The following EPAS1 variants were observed in gnomAD, a reference collection of about 807,000 sequenced individuals.
EPAS1 encodes the protein endothelial PAS domain protein 1.
A neutral mutation model predicts 87.9 loss-of-function variants in EPAS1; 23 were observed. That is an observed-to-expected ratio of 0.26 (90% confidence interval 0.19 to 0.37). The LOEUF (loss-of-function observed/expected upper bound fraction) is 0.37, where lower values mean the gene tolerates loss of function less well. Among genes scored for constraint, EPAS1 ranks in the 10% least tolerant of loss-of-function variants. EPAS1 has a pLI of 1.00. For missense variants in EPAS1, 1,138 were observed against 1,120.7 expected, an observed-to-expected ratio of 1.02 and a Z score of -0.22; for synonymous variants, 508 against 444.3, an observed-to-expected ratio of 1.14 and a Z score of -1.80.
At chr2:46,318,568 C>G (rs1683390828) in intron 1 of EPAS1, among the ~76,000 whole-genome samples, 1 of 152,188 alleles carries the variant, frequency 6.6e-6, no homozygotes, top group Non-Finnish European at 1.5e-5. Flanking sequence ...TAAAACTGTG[C>G]TACCATTTTT....
chr2:46,384,248 CT>C (rs1360781150), intron 15 of EPAS1, among the ~76,000 whole-genome samples: 1 of 152,192 alleles, frequency 6.6e-6, no homozygotes, highest in African/African-American at 2.4e-5. Context: ...ACCCCAGGCT[CT>C]TCCTGAAGCT....
intron 1 of EPAS1, among the ~76,000 whole-genome samples, chr2:46,316,258 C>T (rs1366349184): frequency 1.4e-5 from 2 of 144,308 alleles, no homozygotes; most frequent in Non-Finnish European, 3.0e-5. Context: ...ATGTACATAC[C>T]CTTTTTTTTT....
At chr2:46,323,422 T>A (rs904806143) in intron 1 of EPAS1, among the ~76,000 whole-genome samples, 1 of 152,190 alleles carries the variant, frequency 6.6e-6, no homozygotes, top group African/African-American at 2.4e-5. Context: ...TAAACAAGAC[T>A]GAATTATGTT....
chr2:46,373,695 A>C (rs951143645), intron 7 of EPAS1, among the ~76,000 whole-genome samples: 1 of 152,206 alleles, frequency 6.6e-6, no homozygotes, highest in Non-Finnish European at 1.5e-5. Flanking sequence ...GAAAAGTGCT[A>C]TGCCTTCACT....
intron 1 of EPAS1, among the ~76,000 whole-genome samples, chr2:46,299,222 C>A (rs1390383499): frequency 6.6e-6 from 1 of 152,256 alleles, no homozygotes; most frequent in South Asian, 2.1e-4. Flanking sequence ...CCTCGGGGCA[C>A]CGATAAGGAT....
intron 4 of EPAS1, among the ~76,000 whole-genome samples, chr2:46,359,236 C>T (rs146480490): frequency 1.5e-4 from 16 of 105,506 alleles, no homozygotes; most frequent in Non-Finnish European, 2.2e-4. Context: ...TCCAGCCTGG[C>T]GACAGAGCAA....
chr2:46,297,625 C>G lies in EPAS1; in HGVS notation c.-287C>G. On this transcript the variant is annotated 5_prime_UTR_variant, in exon 1 of 16. Coordinates refer to ENST00000263734, the MANE Select transcript of EPAS1 (RefSeq NM_001430.5). ...TTCCAGGGAAAAAGGAACTTGGGTT[C>G]CCTTCTCTCCGTCCTCTTTTCGGGT... 1 of 480,562 alleles carries G rather than the reference C, an allele frequency of 2.1e-6. No homozygotes were observed. The highest frequency in any genetic ancestry group is 3.7e-6 in the Non-Finnish European group (1 of 266,724). 29.8% of individuals were successfully genotyped at this position (480,562 alleles called of 1,614,324 possible).
intron 8 of EPAS1, among the ~76,000 whole-genome samples, chr2:46,376,305 A>C (rs1355344828): frequency 2.0e-5 from 3 of 152,216 alleles, no homozygotes; most frequent in Non-Finnish European, 2.9e-5. Context: ...CTCAAGTGCA[A>C]TAATATTTAA....
intron 1 of EPAS1, among the ~76,000 whole-genome samples, chr2:46,319,947 C>T (rs969825766): frequency 9.2e-5 from 14 of 152,150 alleles, no homozygotes; most frequent in Non-Finnish European, 1.8e-4. Context: ...CAGGCATCTT[C>T]GAACAGAAAA....
At chr2:46,377,755 C>T (rs2103666686) in intron 9 of EPAS1, 139 bp from the exon 10 acceptor site, 2 of 1,416,382 alleles carry the variant, frequency 1.4e-6, no homozygotes, top group Non-Finnish European at 1.9e-6. Context: ...CAGCTGAGCC[C>T]CAGGGTGTTG....
At chr2:46,379,366 C>A in intron 11 of EPAS1, among the ~76,000 whole-genome samples, 1 of 152,172 alleles carries the variant, frequency 6.6e-6, no homozygotes, top group South Asian at 2.1e-4. Context: ...GTCTTGAGTT[C>A]AACCAGATTT....
intron 1 of EPAS1, among the ~76,000 whole-genome samples, chr2:46,329,659 T>TA (rs1446624091): frequency 6.6e-6 from 1 of 152,098 alleles, no homozygotes; most frequent in African/African-American, 2.4e-5. Context: ...CCGTCTCTAC[T>TA]AAAAATACAC....
chr2:46,327,124 C>T (rs551281837), intron 1 of EPAS1, among the ~76,000 whole-genome samples: 1 of 152,340 alleles, frequency 6.6e-6, no homozygotes, highest in East Asian at 1.9e-4. Flanking sequence ...GTCTCAGTTT[C>T]CTCATCTGTA....
intron 4 of EPAS1, among the ~76,000 whole-genome samples, chr2:46,357,614 G>T (rs1234388177): frequency 7.9e-5 from 12 of 152,168 alleles, no homozygotes; most frequent in Admixed American, 7.9e-4. Flanking sequence ...GGCTCATTGT[G>T]GGAGGAAACT....
At chr2:46,368,469 G>A (rs1470124683) in intron 6 of EPAS1, among the ~76,000 whole-genome samples, 4 of 152,140 alleles carry the variant, frequency 2.6e-5, no homozygotes, top group East Asian at 3.9e-4. Flanking sequence ...TGGAAGTTAC[G>A]CAGCATTTAC....
intron 1 of EPAS1, among the ~76,000 whole-genome samples, chr2:46,344,815 G>A (rs1683990331): frequency 6.6e-6 from 1 of 152,310 alleles, no homozygotes; most frequent in Non-Finnish European, 1.5e-5. Context: ...GGTTCTTCTT[G>A]ACCATCAACA....
chr2:46,315,284 C>T (rs1203198038), intron 1 of EPAS1, among the ~76,000 whole-genome samples: 3 of 152,010 alleles, frequency 2.0e-5, no homozygotes, highest in Admixed American at 1.3e-4. Context: ...AGCTGATGGC[C>T]GTGAGAGGAG....
intron 1 of EPAS1, among the ~76,000 whole-genome samples, chr2:46,329,712 C>T (rs966623896): frequency 6.6e-6 from 1 of 152,144 alleles, no homozygotes; most frequent in Non-Finnish European, 1.5e-5. Context: ...ATCCCAGCTA[C>T]TTGGGAGGCT....
chr2:46,318,183 C>CACACACAG (rs1553390132), intron 1 of EPAS1, among the ~76,000 whole-genome samples: 1 of 151,196 alleles, frequency 6.6e-6, no homozygotes, highest in Non-Finnish European at 1.5e-5. Flanking sequence ...GAGAGAGATA[C>CACACACAG]ACACACACAC....
Sources: allele counts gnomAD v4.1 joint callset (sites outside exome capture counted in the v4.1 genomes callset), GRCh38; gene constraint gnomAD v4.1.1; transcripts MANE v1.5; gene names NCBI Gene and HGNC (gene_info 2026-07-23, HGNC 2026-07-21).